Variants in TECTB observed in about 807,000 individuals in gnomAD.
The protein encoded by TECTB is tectorin beta.
TECTB carries 45 observed loss-of-function variants against 43.3 expected under a neutral mutation model. The ratio of observed to expected loss-of-function variants is 1.04; its 90% CI spans 0.82 to 1.33. The LOEUF (loss-of-function observed/expected upper bound fraction) is 1.33, where lower values mean the gene tolerates loss of function less well. TECTB is among the 40% of genes most tolerant of loss of function. The pLI is 0.00. For missense variants in TECTB, 399 were observed against 404.7 expected, an observed-to-expected ratio of 0.99 and a Z score of 0.12; for synonymous variants, 169 against 156.7, an observed-to-expected ratio of 1.08 and a Z score of -0.59.
intron 10 of TECTB, 148 bp downstream of exon 10, chr10:112,302,281 G>A: frequency 1.1e-6 from 1 of 893,472 alleles, no homozygotes; most frequent in Non-Finnish European, 1.7e-6. Flanking sequence ...CGCAGAGGGG[G>A]CGAGATCAAG....
At chr10:112,302,716 C>T (rs1028664760) in intron 10 of TECTB, 4 of 187,652 alleles carry the variant, frequency 2.1e-5, no homozygotes, top group East Asian at 2.7e-4. Flanking sequence ...TGGCTACTGC[C>T]GTGAACAAGA....
chr10:112,300,234 GAAA>G (rs1848589236), intron 9 of TECTB, among the ~76,000 whole-genome samples: 1 of 34,258 alleles, frequency 2.9e-5, no homozygotes, highest in Admixed American at 4.6e-4. Flanking sequence ...AAGAAATAAA[GAAA>G]GAAAGAAAGA....
chr10:112,294,524 G>C (rs1848528916), intron 7 of TECTB, among the ~76,000 whole-genome samples: 1 of 152,160 alleles, frequency 6.6e-6, no homozygotes, highest in African/African-American at 2.4e-5. Context: ...TTAGCAGATG[G>C]TACTTGCTAG....
At chr10:112,285,205 C>A (rs1402560982) in intron 3 of TECTB, among the ~76,000 whole-genome samples, 1 of 152,226 alleles carries the variant, frequency 6.6e-6, no homozygotes, top group Non-Finnish European at 1.5e-5. Context: ...TATTAGGAAA[C>A]AGACGCCCTC....
In TECTB at chr10:112,286,335, G is replaced by A. The variant is rs776819434; in HGVS notation, c.427G>A (p.Val143Met). The A allele has an allele frequency of 5.5e-5, 89 of 1,611,960 alleles. No homozygotes were observed. The highest frequency in any genetic ancestry group is 1.6e-4 in the Middle Eastern group (1 of 6,074). The change falls in exon 5 of 11, where the codon GTG (valine) becomes ATG (methionine). Residue 143 changes from valine to methionine, a missense_variant. Val to Met is a conservative substitution (Grantham distance 21). Transcript: ENST00000646139. Reference sequence around the variant, plus strand: ...CCTTTTCAGAGTGGCCACTGTTCACGTGAAGAACGGGAGCATGGGCACATT... The same window carrying A: ...CCTTTTCAGAGTGGCCACTGTTCACATGAAGAACGGGAGCATGGGCACATT... ...AFDQRVATVH[V>M]KNGSMGTFES...
At chr10:112,291,673 C>T (rs1756105104) in intron 5 of TECTB, among the ~76,000 whole-genome samples, 1 of 152,256 alleles carries the variant, frequency 6.6e-6, no homozygotes, top group African/African-American at 2.4e-5. Context: ...GTAACCTGGT[C>T]TAAGCTTTAT....
At chr10:112,288,952 C>T (rs1210129704) in intron 5 of TECTB, among the ~76,000 whole-genome samples, 1 of 152,190 alleles carries the variant, frequency 6.6e-6, no homozygotes, top group African/African-American at 2.4e-5. Context: ...GAAAATGGGC[C>T]TTCTCAACAG....
chr10:112,298,293 G>A, intron 8 of TECTB, 62 bp downstream of exon 8: 1 of 1,556,446 alleles, frequency 6.4e-7, no homozygotes, highest in South Asian at 1.2e-5. Flanking sequence ...GGAGGAGCTG[G>A]AGTTTGAGTG....
At position 112,284,630 on chromosome 10, in the gene TECTB, C is replaced by T; in HGVS notation, c.172C>T (p.Leu58=). Residue 58 remains leucine, a synonymous_variant, in exon 3 of 11, where the codon CTG becomes TTG. Coordinates refer to ENST00000646139, the MANE Select transcript of TECTB (RefSeq NM_058222.3). ...WEVHQLALGG[L]CYNGVHEGGY... is the part of the protein sequence containing the mutation. ...AGTTCATCAGCTGGCCCTCGGAGGGCTGTGTTACAATGGGGTCCACGAAGG... is the reference window on the plus strand; with the variant it reads ...AGTTCATCAGCTGGCCCTCGGAGGGTTGTGTTACAATGGGGTCCACGAAGG... The T allele has an allele frequency of 6.2e-7, 1 of 1,613,816 alleles. No homozygotes were observed. Among genetic ancestry groups the T allele is most frequent in the Non-Finnish European group, 8.5e-7 (1 of 1,179,854 alleles).
rs1848632820 is a variant in TECTB at position 112,303,974 on chromosome 10, AC to A, written c.*663del. Reference sequence around the variant, plus strand: ...ATATATAAACATGATATAGGTAGAAACTCCTTGTTTTTATAGCAGATGTATA... The same window carrying A: ...ATATATAAACATGATATAGGTAGAAATCCTTGTTTTTATAGCAGATGTATA... On this transcript the variant is annotated 3_prime_UTR_variant, in exon 11 of 11. Transcript: ENST00000646139. 1 of 152,222 alleles carries A rather than the reference AC, an allele frequency of 6.6e-6. No homozygotes were observed. The highest frequency in any genetic ancestry group is 1.5e-5 in the Non-Finnish European group (1 of 68,048). 9.4% of individuals were successfully genotyped at this position (152,222 alleles called of 1,614,324 possible).
chr10:112,283,462 A>T lies in TECTB; in HGVS notation c.-122A>T, dbSNP rs1053347436. ...CGGAGAGGATGAAACAGTCGGGAAC[A>T]TGAACAACTCCATGTGTCATTGACG... On this transcript the variant is annotated 5_prime_UTR_variant, in exon 1 of 11. The change abolishes an upstream ATG in the 5' untranslated region. Transcript: ENST00000646139. 2.3e-5 allele frequency: 10 copies of T among 440,248 alleles called. No individual in the cohort carries two copies. Among genetic ancestry groups the T allele is most frequent in the Non-Finnish European group, 3.2e-5 (8 of 247,840 alleles). The allele number at this position is 440,248 out of a possible 1,614,324, so 27.3% of individuals were successfully genotyped here. A position where few individuals can be genotyped will look rare whatever the true frequency, so the allele number is the denominator to read the frequency against.
intron 9 of TECTB, chr10:112,299,839 A>G: frequency 2.3e-6 from 1 of 431,274 alleles, no homozygotes; most frequent in East Asian, 3.7e-5. Context: ...TTCCAAACAG[A>G]GCATGCAGTG....
intron 3 of TECTB, 102 bp downstream of exon 3, chr10:112,284,827 A>G (rs1044756259): frequency 3.1e-5 from 34 of 1,111,734 alleles, no homozygotes; most frequent in Non-Finnish European, 4.0e-5. Context: ...GAATTTACCC[A>G]TTTCCTTTTA....
intron 5 of TECTB, among the ~76,000 whole-genome samples, chr10:112,288,232 G>T (rs935290241): frequency 2.6e-5 from 4 of 152,160 alleles, no homozygotes; most frequent in Non-Finnish European, 4.4e-5. Context: ...GCAACACGGA[G>T]ACACCAGGAT....
Position 112,293,777 on chromosome 10 carries a change from C to T in TECTB, c.523C>T (p.Leu175=), listed in dbSNP as rs781776952. The part of the protein sequence containing the change: ...FSIKKEAPFV[L]EASEIGSDLF... Reference sequence around the variant, plus strand: ...CATCAAGAAAGAAGCTCCCTTTGTCCTGGAGGCATCCGAAATCGGTTCAGA... The same window carrying T: ...CATCAAGAAAGAAGCTCCCTTTGTCTTGGAGGCATCCGAAATCGGTTCAGA... Residue 175 remains leucine, a synonymous_variant, in exon 6 of 11, where the codon CTG becomes TTG. Coordinates refer to ENST00000646139, the MANE Select transcript of TECTB (RefSeq NM_058222.3). 2 of 1,614,024 alleles carry T rather than the reference C, an allele frequency of 1.2e-6. No homozygotes were observed. The highest frequency in any genetic ancestry group is 1.7e-5 in the Admixed American group (1 of 59,998).
intron 5 of TECTB, among the ~76,000 whole-genome samples, chr10:112,291,403 AG>A (rs1485983660): frequency 2.6e-5 from 4 of 152,228 alleles, no homozygotes; most frequent in African/African-American, 9.6e-5. Flanking sequence ...TGCAACCCAA[AG>A]GAATATAAAT....
At chr10:112,291,063 T>C (rs756073419) in intron 5 of TECTB, among the ~76,000 whole-genome samples, 2 of 152,166 alleles carry the variant, frequency 1.3e-5, no homozygotes, top group African/African-American at 2.4e-5. Context: ...CTGGTAAACA[T>C]ATGTCATGGT....
chr10:112,285,239 G>A lies in TECTB; in HGVS notation c.267+514G>A, dbSNP rs116365904. 1.3e-3 allele frequency among the ~76,000 whole-genome samples: 192 copies of A among 152,290 alleles called. 1 individual carries two copies. Among genetic ancestry groups the A allele is most frequent in the African/African-American group, 4.3e-3 (180 of 41,554 alleles). On this transcript the variant is annotated intron_variant, in intron 3 of 10. Coordinates refer to ENST00000646139, the MANE Select transcript of TECTB (RefSeq NM_058222.3). ...TCTTACCAAGTATCATATGACAGAC[G>A]AGAAGTCTGAGACTTCCCAATAAAG...
intron 6 of TECTB, 50 bp downstream of exon 6, chr10:112,293,891 G>C: frequency 2.5e-6 from 4 of 1,602,996 alleles, no homozygotes; most frequent in Non-Finnish European, 3.4e-6. Context: ...AGAAAAAAAA[G>C]ACTAGCTGAC....
Sources: allele counts gnomAD v4.1 joint callset (sites outside exome capture counted in the v4.1 genomes callset), GRCh38; gene constraint gnomAD v4.1.1; transcripts MANE v1.5; gene names NCBI Gene and HGNC (gene_info 2026-07-23, HGNC 2026-07-21).